Variants in EYS observed in about 807,000 individuals in gnomAD.
The protein encoded by EYS is protein eyes shut homolog.
EYS carries 250 observed loss-of-function variants against 282.1 expected under a neutral mutation model. The ratio of observed to expected loss-of-function variants is 0.89; its 90% CI spans 0.80 to 0.98. The LOEUF (loss-of-function observed/expected upper bound fraction) is 0.98. EYS is among the 50% of genes least tolerant of loss of function. EYS has a pLI of 0.00. For synonymous variants in EYS, 1,355 were observed against 1,282.9 expected (o/e 1.06, Z -1.20); for missense variants, 4,016 against 3,709.0 (o/e 1.08, Z -2.15).
chr6:64,211,571 A>AT (rs1429210927), intron 31 of EYS, among the ~76,000 whole-genome samples: 3 of 138,430 alleles, frequency 2.2e-5, no homozygotes, highest in African/African-American at 8.2e-5. Context: ...ATATATATAT[A>AT]TATTTTTTTT....
At chr6:64,614,259 C>G (rs1157243105) in intron 24 of EYS, among the ~76,000 whole-genome samples, 1 of 152,120 alleles carries the variant, frequency 6.6e-6, no homozygotes, top group Admixed American at 6.6e-5. Flanking sequence ...CCTCTGACAC[C>G]TATGGCTGTA....
intron 22 of EYS, among the ~76,000 whole-genome samples, chr6:64,691,486 G>GA: frequency 6.6e-6 from 1 of 152,216 alleles, no homozygotes; most frequent in South Asian, 2.1e-4. Context: ...AAACAGTTTG[G>GA]AAAATAAATT....
intron 5 of EYS, among the ~76,000 whole-genome samples, chr6:65,480,842 G>A (rs971779277): frequency 1.1e-4 from 16 of 152,202 alleles, no homozygotes; most frequent in Non-Finnish European, 1.9e-4. Flanking sequence ...TATATTAAGC[G>A]AAATAGGTCA....
At chr6:65,183,338 T>A (rs1581992349) in intron 12 of EYS, among the ~76,000 whole-genome samples, 1 of 151,870 alleles carries the variant, frequency 6.6e-6, no homozygotes, top group African/African-American at 2.4e-5. Flanking sequence ...GAGTACCTTT[T>A]AAAAAGTGTA....
chr6:64,937,640 T>G (rs1768954740), intron 15 of EYS, among the ~76,000 whole-genome samples: 1 of 151,556 alleles, frequency 6.6e-6, no homozygotes, highest in Middle Eastern at 3.2e-3. Flanking sequence ...CAACAAATAT[T>G]GGCAAGATGT....
chr6:65,112,403 A>C (rs1001710531), intron 12 of EYS, among the ~76,000 whole-genome samples: 6 of 152,172 alleles, frequency 3.9e-5, no homozygotes, highest in Non-Finnish European at 8.8e-5. Flanking sequence ...TCAACTTGCG[A>C]CCATGGCCTA....
intron 22 of EYS, among the ~76,000 whole-genome samples, chr6:64,640,880 C>T (rs913004687): frequency 2.0e-5 from 3 of 152,238 alleles, no homozygotes; most frequent in East Asian, 3.9e-4. Flanking sequence ...GCCATTGGAA[C>T]ACGAAGCTCA....
chr6:64,649,430 A>G (rs907753461), intron 22 of EYS, among the ~76,000 whole-genome samples: 2 of 151,574 alleles, frequency 1.3e-5, no homozygotes, highest in Non-Finnish European at 2.9e-5. Context: ...TCCGCCTTCC[A>G]GGGTTCAAGC....
chr6:63,753,550 A>G (rs996432246), intron 41 of EYS, among the ~76,000 whole-genome samples: 16 of 152,150 alleles, frequency 1.1e-4, no homozygotes, highest in Non-Finnish European at 1.6e-4. Flanking sequence ...AGAGAAGCAC[A>G]GAGGAGGAAC....
intron 26 of EYS, among the ~76,000 whole-genome samples, chr6:64,452,387 T>C (rs190213736): frequency 6.6e-6 from 1 of 152,326 alleles, no homozygotes; most frequent in East Asian, 1.9e-4. Context: ...GAACATTCCA[T>C]GCTCATGGGT....
At chr6:64,771,957 AT>A (rs953859644) in intron 22 of EYS, among the ~76,000 whole-genome samples, 38 of 151,666 alleles carry the variant, frequency 2.5e-4, no homozygotes, top group Non-Finnish European at 1.3e-4. Flanking sequence ...TATTTTAAAC[AT>A]TTTTTCATCT....
intron 22 of EYS, among the ~76,000 whole-genome samples, chr6:64,682,997 G>A (rs1472594650): frequency 6.6e-6 from 1 of 152,112 alleles, no homozygotes; most frequent in Non-Finnish European, 1.5e-5. Context: ...AACTAATACA[G>A]AAATAGTTCA....
chr6:63,937,689 C>T (rs1438103909), intron 35 of EYS, among the ~76,000 whole-genome samples: 1 of 151,892 alleles, frequency 6.6e-6, no homozygotes, highest in Non-Finnish European at 1.5e-5. Context: ...CCAGGCTTCC[C>T]TCTTAATGAA....
At chr6:64,670,452 A>G (rs1175864641) in intron 22 of EYS, among the ~76,000 whole-genome samples, 1 of 151,864 alleles carries the variant, frequency 6.6e-6, no homozygotes, top group African/African-American at 2.4e-5. Flanking sequence ...TAAATGAAAA[A>G]AAAACGTTAA....
At chr6:64,563,951 C>T (rs1270520433) in intron 26 of EYS, among the ~76,000 whole-genome samples, 1 of 151,416 alleles carries the variant, frequency 6.6e-6, no homozygotes, top group Non-Finnish European at 1.5e-5. Flanking sequence ...TTAAAATTAT[C>T]AGAAGTATTA....
chr6:64,797,979 T>G (rs1774410850), intron 22 of EYS, among the ~76,000 whole-genome samples: 1 of 151,894 alleles, frequency 6.6e-6, no homozygotes, highest in African/African-American at 2.4e-5. Flanking sequence ...TTACATAAAT[T>G]TTATGGATAA....
chr6:64,854,784 A>ATT (rs965369018), intron 19 of EYS, among the ~76,000 whole-genome samples: 1 of 149,284 alleles, frequency 6.7e-6, no homozygotes, highest in African/African-American at 2.5e-5. Context: ...CTTACCTTCA[A>ATT]TTTTTTTTTT....
At chr6:65,436,320 T>C (rs956215464) in intron 5 of EYS, among the ~76,000 whole-genome samples, 1 of 152,134 alleles carries the variant, frequency 6.6e-6, no homozygotes, top group Non-Finnish European at 1.5e-5. Context: ...CAACAGACAT[T>C]ATTTTTTTCA....
At chr6:64,408,719 T>G (rs191234820) in intron 28 of EYS, among the ~76,000 whole-genome samples, 1 of 152,306 alleles carries the variant, frequency 6.6e-6, no homozygotes, top group Admixed American at 6.5e-5. Context: ...AGAGAATTGG[T>G]AAACTCTGAA....
Sources: allele counts gnomAD v4.1 joint callset (sites outside exome capture counted in the v4.1 genomes callset), GRCh38; gene constraint gnomAD v4.1.1; transcripts MANE v1.5; gene names NCBI Gene and HGNC (gene_info 2026-07-23, HGNC 2026-07-21).